The following EFNA5 variants were observed in gnomAD, a reference collection of about 807,000 sequenced individuals.
EFNA5 encodes the protein ephrin-A5.
EFNA5 carries 5 observed loss-of-function variants against 22.9 expected under a neutral mutation model. The observed-to-expected ratio is 0.22, with a 90% CI of 0.11 to 0.46. The LOEUF (loss-of-function observed/expected upper bound fraction) is 0.46, where lower values mean the gene tolerates loss of function less well. Among genes scored for constraint, EFNA5 ranks in the 20% least tolerant of loss-of-function variants. The probability of loss-of-function intolerance (pLI) is 0.99; values close to 1 mark genes in which losing one functional copy is unlikely to be tolerated. For missense variants in EFNA5, 237 were observed against 293.3 expected, an observed-to-expected ratio of 0.81 and a Z score of 1.40; for synonymous variants, 113 against 112.2, an observed-to-expected ratio of 1.01 and a Z score of -0.04.
chr5:107,432,747 C>A (rs567990434), intron 1 of EFNA5, among the ~76,000 whole-genome samples: 1 of 152,096 alleles, frequency 6.6e-6, no homozygotes, highest in African/African-American at 2.4e-5. Flanking sequence ...GGCTGCATGG[C>A]CACTTAGGTC....
At chr5:107,505,837 C>A (rs1334984264) in intron 1 of EFNA5, among the ~76,000 whole-genome samples, 2 of 151,914 alleles carry the variant, frequency 1.3e-5, no homozygotes, top group Non-Finnish European at 2.9e-5. Context: ...TCTCTCCCCC[C>A]CACCTTCTCT....
chr5:107,643,143 C>G lies in EFNA5; in HGVS notation c.125+27346G>C, dbSNP rs569553543. ...CTCTTCTAACACGGATGCCCCTGCA[C>G]CGGCTGACTTAGTCCTTTAAATAAC... On this transcript the variant is annotated intron_variant, in intron 1 of 4. Coordinates refer to ENST00000333274, the MANE Select transcript of EFNA5 (RefSeq NM_001962.3). Among the ~76,000 whole-genome samples the G allele has an allele frequency of 2.6e-5, 4 of 152,150 alleles. No homozygotes were observed. The East Asian group carries it at 7.7e-4, about 29-fold the overall frequency.
intron 1 of EFNA5, among the ~76,000 whole-genome samples, chr5:107,548,653 T>A (rs916554094): frequency 6.6e-6 from 1 of 152,200 alleles, no homozygotes; most frequent in Non-Finnish European, 1.5e-5. Context: ...GTAGGAGCAG[T>A]GTCTAGCAGA....
At chr5:107,534,582 C>T (rs1228873599) in intron 1 of EFNA5, among the ~76,000 whole-genome samples, 1 of 152,172 alleles carries the variant, frequency 6.6e-6, no homozygotes, top group Non-Finnish European at 1.5e-5. Flanking sequence ...TGACAACATT[C>T]TACTAGTGTC....
At chr5:107,461,064 T>C (rs1455940268) in intron 1 of EFNA5, among the ~76,000 whole-genome samples, 1 of 151,978 alleles carries the variant, frequency 6.6e-6, no homozygotes, top group African/African-American at 2.4e-5. Context: ...GTTTTCAGAG[T>C]AGGGAAATTT....
intron 1 of EFNA5, among the ~76,000 whole-genome samples, chr5:107,432,697 C>T (rs1166805822): frequency 6.6e-6 from 1 of 152,144 alleles, no homozygotes; most frequent in African/African-American, 2.4e-5. Flanking sequence ...AGTCAAGAAA[C>T]ATCTCATATG....
intron 1 of EFNA5, among the ~76,000 whole-genome samples, chr5:107,588,766 G>A (rs1304450049): frequency 1.3e-5 from 2 of 152,176 alleles, no homozygotes; most frequent in Non-Finnish European, 2.9e-5. Flanking sequence ...TGTAGAGAGG[G>A]ATAGGAAGAG....
At chr5:107,542,492 C>G (rs1748068831) in intron 1 of EFNA5, among the ~76,000 whole-genome samples, 1 of 151,574 alleles carries the variant, frequency 6.6e-6, no homozygotes, top group African/African-American at 2.4e-5. Flanking sequence ...AGTCTGCCGC[C>G]TGCATGCAGG....
chr5:107,447,592 C>T (rs777255657), intron 1 of EFNA5, among the ~76,000 whole-genome samples: 15 of 152,082 alleles, frequency 9.9e-5, no homozygotes, highest in African/African-American at 3.4e-4. Context: ...GTAAGAGAAA[C>T]GTCTACCAAA....
rs370075703 is a variant in EFNA5 at position 107,473,713 on chromosome 5, G to C, written c.126-46204C>G. 8.0e-5 allele frequency among the ~76,000 whole-genome samples: 12 copies of C among 150,438 alleles called. No individual in the cohort carries two copies. In the South Asian group the frequency reaches 2.1e-3, roughly 26 times the overall value. On this transcript the variant is annotated intron_variant, in intron 1 of 4. Coordinates refer to ENST00000333274, the MANE Select transcript of EFNA5 (RefSeq NM_001962.3). Reference sequence around the variant, plus strand: ...TCGCTCTTGTTGCCCAAGCTGGAGTGCAAATGGTGTGATCTCGGCTCACTG... The same window carrying C: ...TCGCTCTTGTTGCCCAAGCTGGAGTCCAAATGGTGTGATCTCGGCTCACTG...
intron 1 of EFNA5, among the ~76,000 whole-genome samples, chr5:107,483,501 A>G (rs1045266569): frequency 7.2e-5 from 11 of 152,284 alleles, no homozygotes; most frequent in Non-Finnish European, 1.6e-4. Context: ...GTCCTCAAAG[A>G]ATAGAGCCTG....
intron 2 of EFNA5, among the ~76,000 whole-genome samples, chr5:107,407,473 G>A (rs530906590): frequency 2.6e-5 from 4 of 152,210 alleles, no homozygotes; most frequent in South Asian, 2.1e-4. Context: ...AGATCAAGTG[G>A]CTCACCAAAG....
chr5:107,511,124 T>G (rs1175821789), intron 1 of EFNA5, among the ~76,000 whole-genome samples: 1 of 151,726 alleles, frequency 6.6e-6, no homozygotes, highest in Non-Finnish European at 1.5e-5. Context: ...CCTCCCAGGT[T>G]CAAGTGATTC....
intron 1 of EFNA5, among the ~76,000 whole-genome samples, chr5:107,489,482 A>C (rs566773182): frequency 2.6e-5 from 4 of 152,296 alleles, no homozygotes; most frequent in South Asian, 4.1e-4. Context: ...GGACCAGATA[A>C]AATTTAAACC....
intron 1 of EFNA5, among the ~76,000 whole-genome samples, chr5:107,488,571 C>A (rs1039099226): frequency 3.3e-5 from 5 of 152,156 alleles, no homozygotes; most frequent in African/African-American, 1.2e-4. Flanking sequence ...TTACAAATCC[C>A]AAGTTTAAAA....
intron 1 of EFNA5, among the ~76,000 whole-genome samples, chr5:107,571,336 G>C (rs1748799348): frequency 1.3e-5 from 2 of 152,118 alleles, no homozygotes; most frequent in Non-Finnish European, 2.9e-5. Flanking sequence ...CAGTCATAAA[G>C]CACCACATTG....
chr5:107,466,672 C>G (rs566130096), intron 1 of EFNA5, among the ~76,000 whole-genome samples: 1 of 152,294 alleles, frequency 6.6e-6, no homozygotes, highest in East Asian at 1.9e-4. Context: ...GTACACCACT[C>G]ACTCGGTGTC....
At chr5:107,396,304 C>G (rs776040553) in intron 2 of EFNA5, among the ~76,000 whole-genome samples, 1 of 152,150 alleles carries the variant, frequency 6.6e-6, no homozygotes, top group Non-Finnish European at 1.5e-5. Flanking sequence ...GCTTAACGTG[C>G]CTACGCCTCA....
intron 1 of EFNA5, among the ~76,000 whole-genome samples, chr5:107,593,330 G>A (rs1383608516): frequency 1.3e-5 from 2 of 152,188 alleles, no homozygotes; most frequent in East Asian, 3.8e-4. Flanking sequence ...GCATTCTGTG[G>A]CTTTGCACCA....
Sources: gnomAD v4.1 joint callset for allele counts (sites outside exome capture counted in the v4.1 genomes callset) on GRCh38, gnomAD v4.1.1 for gene constraint, MANE v1.5 for transcripts, NCBI Gene and HGNC (gene_info 2026-07-23, HGNC 2026-07-21) for gene names.